The following LANCL2 variants were observed in gnomAD, a reference collection of about 807,000 sequenced individuals.
LANCL2 encodes lanC-like protein 2.
LANCL2 carries 33 observed loss-of-function variants against 56.9 expected under a neutral mutation model. The observed-to-expected ratio is 0.58, with a 90% CI of 0.44 to 0.78. The LOEUF (loss-of-function observed/expected upper bound fraction) is 0.78. LANCL2 is among the 30% of genes least tolerant of loss of function. The probability of loss-of-function intolerance (pLI) is 0.00; values close to 1 mark genes in which losing one functional copy is unlikely to be tolerated. For synonymous variants in LANCL2, 233 were observed against 228.2 expected (o/e 1.02, Z -0.19); for missense variants, 562 against 580.2 (o/e 0.97, Z 0.32).
At chr7:55,375,364 C>T (rs1386752826) in intron 1 of LANCL2, among the ~76,000 whole-genome samples, 1 of 152,196 alleles carries the variant, frequency 6.6e-6, no homozygotes, top group Non-Finnish European at 1.5e-5. Flanking sequence ...TGACTTGTTT[C>T]CTCAGGAATG....
Position 55,366,165 on chromosome 7 carries a change from C to A in LANCL2, c.140C>A (p.Thr47Lys). Residue 47 changes from threonine (T) to lysine (K), a missense_variant, in exon 1 of 9, where the codon ACA becomes AAA. Transcript: ENST00000254770. ...ALLASGAAEETGCVRPPATTD... is the reference protein window; with the variant it reads ...ALLASGAAEEKGCVRPPATTD... ...CTCGCCTCCGGAGCGGCCGAAGAGA[C>A]AGGCTGTGTTCGTCCCCCGGCGACC... 6.4e-7 allele frequency: 1 copy of A among 1,560,514 alleles called. No homozygotes were observed.
intron 6 of LANCL2, among the ~76,000 whole-genome samples, chr7:55,418,579 A>G (rs1012884942): frequency 2.4e-4 from 37 of 152,050 alleles, no homozygotes; most frequent in African/African-American, 8.2e-4. Context: ...GTGTACACAT[A>G]TTGTATCTGT....
chr7:55,422,014 G>A (rs1183728440), intron 6 of LANCL2, among the ~76,000 whole-genome samples: 2 of 152,204 alleles, frequency 1.3e-5, no homozygotes, highest in Non-Finnish European at 2.9e-5. Flanking sequence ...TTACAGGTGT[G>A]AACTACCATA....
rs1378699130 is a variant in LANCL2, at chr7:55,403,316, G to A, written c.825+1996G>A. 6.6e-5 allele frequency among the ~76,000 whole-genome samples: 10 copies of A among 152,278 alleles called. No homozygotes were observed. The East Asian group carries it at 7.7e-4, about 12-fold the overall frequency. ...AAACCAGTCAGGCATGGCGGCGCGCGCCTGCAATCGCAGGCACTCGGCAGG... is the reference window on the plus strand; with the variant it reads ...AAACCAGTCAGGCATGGCGGCGCGCACCTGCAATCGCAGGCACTCGGCAGG... On this transcript the variant is annotated intron_variant, in intron 5 of 8. Transcript: ENST00000254770.
intron 2 of LANCL2, among the ~76,000 whole-genome samples, chr7:55,393,174 T>C (rs1790211897): frequency 6.6e-6 from 1 of 152,246 alleles, no homozygotes; most frequent in Non-Finnish European, 1.5e-5. Context: ...GAAGTCCAAA[T>C]TGCTAATGAC....
In LANCL2 at chr7:55,390,749, C is replaced by A. The variant is rs978445987; in HGVS notation, c.205-1044C>A. On this transcript the variant is annotated intron_variant, in intron 1 of 8. Transcript: ENST00000254770. ...TGAACTGAGATCACACCACAGCACT[C>A]CAGCCTGAGCGACAGAGCAAAACTG... Among the ~76,000 whole-genome samples, 3 of 151,198 alleles carry A rather than the reference C, an allele frequency of 2.0e-5. No individual in the cohort carries two copies. The South Asian group carries it at 6.3e-4, about 32-fold the overall frequency.
chr7:55,420,358 G>A (rs1164462947), intron 6 of LANCL2, among the ~76,000 whole-genome samples: 3 of 152,162 alleles, frequency 2.0e-5, no homozygotes, highest in African/African-American at 7.2e-5. Context: ...TCAGATATTT[G>A]AGAATTGTGT....
intron 2 of LANCL2, among the ~76,000 whole-genome samples, chr7:55,398,119 A>G (rs1034552955): frequency 1.3e-5 from 2 of 152,220 alleles, no homozygotes; most frequent in African/African-American, 4.8e-5. Context: ...TTAACTGAGG[A>G]TGAGTAGGAA....
rs142413484 is a variant in LANCL2 at position 55,377,790 on chromosome 7, A to G, written c.204+11561A>G. 5.1e-4 allele frequency among the ~76,000 whole-genome samples: 77 copies of G among 152,376 alleles called. No homozygotes were observed. The East Asian group carries it at 9.8e-3, about 19-fold the overall frequency. ...ATTGCAATGTAATTGCTAAAAATCA[A>G]TCTCAGAATCAAGAGATAAAACCTC... On this transcript the variant is annotated intron_variant, in intron 1 of 8. Coordinates refer to ENST00000254770, the MANE Select transcript of LANCL2 (RefSeq NM_018697.4).
chr7:55,415,430 C>T (rs974427781), intron 6 of LANCL2, among the ~76,000 whole-genome samples: 6 of 152,158 alleles, frequency 3.9e-5, no homozygotes, highest in Admixed American at 3.3e-4. Context: ...TGCTTTCATA[C>T]AAATTCTGTT....
At chr7:55,401,538 T>C (rs1790326377) in intron 5 of LANCL2, among the ~76,000 whole-genome samples, 1 of 117,282 alleles carries the variant, frequency 8.5e-6, no homozygotes, top group South Asian at 2.7e-4. Flanking sequence ...TTTTTTTTTT[T>C]TTTCCAATTT....
intron 2 of LANCL2, among the ~76,000 whole-genome samples, chr7:55,393,338 G>T (rs1261336266): frequency 6.6e-6 from 1 of 152,206 alleles, no homozygotes; most frequent in East Asian, 1.9e-4. Flanking sequence ...TTCAAGACCA[G>T]CCTGGGCAAC....
At chr7:55,382,344 T>C (rs987378185) in intron 1 of LANCL2, among the ~76,000 whole-genome samples, 3 of 152,028 alleles carry the variant, frequency 2.0e-5, no homozygotes, top group Non-Finnish European at 4.4e-5. Context: ...ATAAATACAA[T>C]ATATGGCATT....
At chr7:55,413,822 A>G (rs540369291) in intron 6 of LANCL2, among the ~76,000 whole-genome samples, 1 of 152,232 alleles carries the variant, frequency 6.6e-6, no homozygotes, top group Non-Finnish European at 1.5e-5. Flanking sequence ...TCTGTCCTCT[A>G]CATTAAGATT....
At position 55,378,412 on chromosome 7, in the gene LANCL2, G is replaced by A. The variant is rs564458799; in HGVS notation, c.204+12183G>A. Among the ~76,000 whole-genome samples the A allele has an allele frequency of 5.9e-5, 9 of 152,180 alleles. No individual in the cohort carries two copies. In the South Asian group the frequency reaches 1.7e-3, roughly 28 times the overall value. Reference sequence around the variant, plus strand: ...GAGGTAGGAGGTTGCAGTGAGCTGAGATCACACCACTGCACTCTAGTCTGG... The same window carrying A: ...GAGGTAGGAGGTTGCAGTGAGCTGAAATCACACCACTGCACTCTAGTCTGG... On this transcript the variant is annotated intron_variant, in intron 1 of 8. Transcript: ENST00000254770.
intron 1 of LANCL2, among the ~76,000 whole-genome samples, chr7:55,366,528 T>A (rs945237457): frequency 8.5e-5 from 13 of 152,178 alleles, no homozygotes; most frequent in African/African-American, 2.9e-4. Context: ...GCTTGTGCAC[T>A]CGTGAGGCCC....
rs758630421 is a variant in LANCL2, at chr7:55,366,105, C to T, written c.80C>T (p.Pro27Leu). 3.2e-6 allele frequency: 5 copies of T among 1,543,804 alleles called. No homozygotes were observed. The highest frequency in any genetic ancestry group is 2.4e-5 in the South Asian group (2 of 83,798). The change falls in exon 1 of 9, where the codon CCC becomes CTC. Residue 27 changes from proline (P) to leucine (L), a missense_variant. Coordinates refer to ENST00000254770, the MANE Select transcript of LANCL2 (RefSeq NM_018697.4). ...AEMEERAFVN[P>L]FPDYEAAAGA... is the part of the protein sequence containing the mutation. ...ATGGAGGAACGGGCGTTCGTCAACC[C>T]CTTCCCGGACTACGAGGCCGCCGCC...
intron 7 of LANCL2, among the ~76,000 whole-genome samples, chr7:55,425,773 C>T (rs1331314490): frequency 6.6e-6 from 1 of 152,166 alleles, no homozygotes; most frequent in Non-Finnish European, 1.5e-5. Context: ...AAAAATACTA[C>T]CCACCTCCTA....
At chr7:55,423,653 TC>T (rs777882108) in intron 6 of LANCL2, among the ~76,000 whole-genome samples, 25 of 152,234 alleles carry the variant, frequency 1.6e-4, no homozygotes, top group Non-Finnish European at 3.1e-4. Flanking sequence ...CAGGCACTGT[TC>T]CAGGAGCTCC....
Sources: gnomAD v4.1 joint callset for allele counts (sites outside exome capture counted in the v4.1 genomes callset) on GRCh38, gnomAD v4.1.1 for gene constraint, MANE v1.5 for transcripts, NCBI Gene and HGNC (gene_info 2026-07-23, HGNC 2026-07-21) for gene names.